The following PCDH11X variants were observed in gnomAD, a reference collection of about 807,000 sequenced individuals.
PCDH11X encodes protocadherin-11 X-linked.
A neutral mutation model predicts 53.3 loss-of-function variants in PCDH11X; 18 were observed. The observed-to-expected ratio is 0.34, with a 90% CI of 0.23 to 0.50. The LOEUF (loss-of-function observed/expected upper bound fraction) is 0.50, where lower values mean the gene tolerates loss of function less well. Ranked by LOEUF, PCDH11X falls within the 20% of genes least tolerant of loss-of-function variation. The pLI is 0.98. For synonymous variants in PCDH11X, 279 were observed against 393.3 expected, an observed-to-expected ratio of 0.71 and a Z score of 3.44; for missense variants, 570 against 1,032.4, an observed-to-expected ratio of 0.55 and a Z score of 6.14.
At chrX:92,518,882 G>A (rs923330046) in intron 10 of PCDH11X, among the ~76,000 whole-genome samples, 3 of 105,018 alleles carry the variant, frequency 2.9e-5, no homozygotes, top group Admixed American at 1.1e-4. Flanking sequence ...TCAGCCTCCC[G>A]AGTAGCTGGG....
intron 9 of PCDH11X, among the ~76,000 whole-genome samples, chrX:92,443,328 A>G (rs770256553): frequency 1.8e-5 from 2 of 111,132 alleles, no homozygotes; most frequent in East Asian, 2.8e-4. Context: ...TCCATTGTCT[A>G]TTTTTAATGG....
chrX:92,139,135 AT>A (rs2065131812), intron 6 of PCDH11X, among the ~76,000 whole-genome samples: 1 of 107,904 alleles, frequency 9.3e-6, no homozygotes, highest in Non-Finnish European at 1.9e-5. Context: ...TTAATTTTTC[AT>A]GAAATTCAGT....
At chrX:92,175,914 G>A (rs769100612) in intron 6 of PCDH11X, among the ~76,000 whole-genome samples, 9 of 109,463 alleles carry the variant, frequency 8.2e-5, no homozygotes, top group Admixed American at 2.0e-4. Context: ...CCATGAAGGC[G>A]AGTTATCCAG....
intron 9 of PCDH11X, among the ~76,000 whole-genome samples, chrX:92,432,935 C>T (rs1178142850): frequency 4.5e-5 from 5 of 110,380 alleles, no homozygotes; most frequent in Non-Finnish European, 9.5e-5. Flanking sequence ...ATCTTCAATA[C>T]AATTTTGGTT....
chrX:92,288,464 C>T lies in PCDH11X; in HGVS notation c.3144+25321C>T, dbSNP rs34341062. 4.7e-5 allele frequency among the ~76,000 whole-genome samples: 5 copies of T among 107,441 alleles called. No homozygotes were observed. The East Asian group carries it at 8.8e-4, about 19-fold the overall frequency. 93.3% of individuals were successfully genotyped at this position (107,441 alleles called of 115,157 possible). On this transcript the variant is annotated intron_variant, in intron 8 of 10. Transcript: ENST00000682573. ...GAGTGCAGTGGCAGCCTCCACCTCC[C>T]GGGTTCAAGCGATTCTCCTGCCTCA...
intron 6 of PCDH11X, among the ~76,000 whole-genome samples, chrX:92,062,991 G>A (rs1369115389): frequency 1.1e-4 from 12 of 111,092 alleles, no homozygotes; most frequent in Admixed American, 2.9e-4. Flanking sequence ...GCACATATAC[G>A]CCATGGAATA....
intron 6 of PCDH11X, among the ~76,000 whole-genome samples, chrX:92,070,250 A>G (rs1297246983): frequency 9.0e-6 from 1 of 111,175 alleles, no homozygotes; most frequent in Non-Finnish European, 1.9e-5. Flanking sequence ...CTCTATACTT[A>G]CTATTAATAT....
intron 6 of PCDH11X, among the ~76,000 whole-genome samples, chrX:92,002,424 A>G (rs1418339371): frequency 9.1e-6 from 1 of 110,286 alleles, no homozygotes; most frequent in Non-Finnish European, 1.9e-5. Context: ...TTTTTTTTCT[A>G]AATCTGTGAA....
intron 6 of PCDH11X, among the ~76,000 whole-genome samples, chrX:91,918,885 G>T (rs1293052163): frequency 3.6e-5 from 4 of 110,950 alleles, no homozygotes; most frequent in Admixed American, 9.6e-5. Context: ...ATGAAGAATT[G>T]TCCACAGAAT....
chrX:92,054,311 C>T (rs1036005323), intron 6 of PCDH11X, among the ~76,000 whole-genome samples: 4 of 111,594 alleles, frequency 3.6e-5, no homozygotes, highest in Admixed American at 9.6e-5. Flanking sequence ...AATTGTGCAA[C>T]CTTTTTAAAA....
chrX:92,456,128 C>T (rs764740526), intron 9 of PCDH11X, among the ~76,000 whole-genome samples: 1 of 111,552 alleles, frequency 9.0e-6, no homozygotes, highest in South Asian at 3.7e-4. Flanking sequence ...AATATTGCTT[C>T]TTAGGGATCG....
intron 6 of PCDH11X, among the ~76,000 whole-genome samples, chrX:92,153,076 G>A (rs1321675741): frequency 9.3e-6 from 1 of 108,066 alleles, no homozygotes; most frequent in Non-Finnish European, 1.9e-5. Context: ...GTGAGCCACC[G>A]CACCTGGCCT....
At chrX:92,416,119 T>A (rs970039317) in intron 9 of PCDH11X, among the ~76,000 whole-genome samples, 2 of 110,812 alleles carry the variant, frequency 1.8e-5, no homozygotes, top group African/African-American at 6.5e-5. Context: ...TATTAATATT[T>A]AGTGTGCAAA....
At chrX:91,866,845 TC>T (rs1939020700) in intron 5 of PCDH11X, among the ~76,000 whole-genome samples, 1 of 111,024 alleles carries the variant, frequency 9.0e-6, no homozygotes, top group African/African-American at 3.3e-5. Flanking sequence ...GTATTTTTTT[TC>T]TTTTAGTATT....
At chrX:92,202,680 A>T (rs1048666410) in intron 7 of PCDH11X, among the ~76,000 whole-genome samples, 1 of 111,998 alleles carries the variant, frequency 8.9e-6, no homozygotes, top group African/African-American at 3.3e-5. Context: ...TGTGACCAAA[A>T]ATTCAATTCT....
chrX:91,979,268 C>G (rs1228115529), intron 6 of PCDH11X, among the ~76,000 whole-genome samples: 1 of 108,919 alleles, frequency 9.2e-6, no homozygotes, highest in Non-Finnish European at 1.9e-5. Context: ...CAAAATTAGC[C>G]TTCTGGGGTT....
intron 6 of PCDH11X, among the ~76,000 whole-genome samples, chrX:91,951,497 T>C (rs2147872482): frequency 1.0e-5 from 1 of 98,808 alleles, no homozygotes; most frequent in African/African-American, 3.7e-5. Flanking sequence ...ATTAGCATCA[T>C]AGAGGATTAT....
chrX:92,026,211 T>C (rs1785674437), intron 6 of PCDH11X, among the ~76,000 whole-genome samples: 1 of 109,951 alleles, frequency 9.1e-6, no homozygotes, highest in Admixed American at 9.7e-5. Context: ...TAAGAAAAAA[T>C]CAAAAGAAGG....
At chrX:92,365,070 C>T (rs1232916473) in intron 8 of PCDH11X, among the ~76,000 whole-genome samples, 3 of 79,955 alleles carry the variant, frequency 3.8e-5, no homozygotes, top group African/African-American at 9.3e-5. Flanking sequence ...TAATCAATAT[C>T]GCTCTTTTCA....
Sources: gnomAD v4.1 joint callset for allele counts (sites outside exome capture counted in the v4.1 genomes callset) on GRCh38, gnomAD v4.1.1 for gene constraint, MANE v1.5 for transcripts, NCBI Gene and HGNC (gene_info 2026-07-23, HGNC 2026-07-21) for gene names.